The following FBXW8 variants were observed in gnomAD, a reference collection of about 807,000 sequenced individuals.
FBXW8 encodes the protein F-box and WD repeat domain containing 8.
A neutral mutation model predicts 65.3 loss-of-function variants in FBXW8; 57 were observed. The ratio of observed to expected loss-of-function variants is 0.87; its 90% CI spans 0.71 to 1.09. The LOEUF is 1.09. FBXW8 is among the 50% of genes least tolerant of loss of function. The probability of loss-of-function intolerance (pLI) is 0.00; values close to 1 mark genes in which losing one functional copy is unlikely to be tolerated. For missense variants in FBXW8, 777 were observed against 814.8 expected, an observed-to-expected ratio of 0.95 and a Z score of 0.57; for synonymous variants, 308 against 330.2, an observed-to-expected ratio of 0.93 and a Z score of 0.73.
chr12:116,959,297 T>C (rs1883842454), intron 4 of FBXW8, among the ~76,000 whole-genome samples: 10 of 152,204 alleles, frequency 6.6e-5, no homozygotes, highest in Admixed American at 3.9e-4. Context: ...AAATTCCTTA[T>C]ATTGCACTTA....
intron 7 of FBXW8, among the ~76,000 whole-genome samples, chr12:117,006,771 C>T (rs1953687072): frequency 6.6e-6 from 1 of 152,216 alleles, no homozygotes; most frequent in Admixed American, 6.5e-5. Context: ...CGTCCCTGCA[C>T]GTTCATTCCA....
At position 117,010,391 on chromosome 12, in the gene FBXW8, G is replaced by A. The variant is rs146667375; in HGVS notation, c.1308G>A (p.Thr436=). ...TGGGTAACGTTCTCCGTGACTTCAC[G>A]TGTGTCAACCTCAGCGACAGCCCTC... ...LKLGNVLRDF[T]CVNLSDSPPN... is the part of the protein sequence containing the mutation. Residue 436 remains threonine, a synonymous_variant, in exon 8 of 11, where the codon ACG becomes ACA. Transcript: ENST00000652555. The A allele has an allele frequency of 2.6e-4, 415 of 1,600,912 alleles. 2 individuals are homozygous for A. The highest frequency in any genetic ancestry group is 1.2e-3 in the Middle Eastern group (7 of 6,062).
At chr12:117,017,967 TAG>T (rs973956733) in intron 8 of FBXW8, among the ~76,000 whole-genome samples, 4 of 152,162 alleles carry the variant, frequency 2.6e-5, no homozygotes, top group Admixed American at 2.6e-4. Flanking sequence ...TGCCTGCTGT[TAG>T]AGAGAGAGTG....
At chr12:116,959,695 T>C (rs1883864120) in intron 4 of FBXW8, among the ~76,000 whole-genome samples, 1 of 152,204 alleles carries the variant, frequency 6.6e-6, no homozygotes, top group Non-Finnish European at 1.5e-5. Context: ...AACTTACTAG[T>C]TAATGAAAGC....
At chr12:116,960,662 A>T (rs907334825) in intron 4 of FBXW8, among the ~76,000 whole-genome samples, 4 of 152,120 alleles carry the variant, frequency 2.6e-5, no homozygotes, top group Non-Finnish European at 5.9e-5. Context: ...GGGCAGTGGA[A>T]ATAAAGAGGT....
At chr12:116,934,891 G>GAAT (rs1347708575) in intron 2 of FBXW8, among the ~76,000 whole-genome samples, 2 of 152,164 alleles carry the variant, frequency 1.3e-5, no homozygotes, top group Non-Finnish European at 2.9e-5. Context: ...TTCATCACGA[G>GAAT]AATCTCTTGT....
intron 5 of FBXW8, among the ~76,000 whole-genome samples, chr12:116,972,651 A>T (rs1472618942): frequency 6.6e-6 from 1 of 152,166 alleles, no homozygotes; most frequent in Non-Finnish European, 1.5e-5. Flanking sequence ...GTTGAGGCTC[A>T]TGGGAGCCAG....
At chr12:117,003,557 C>T (rs1366398519) in intron 7 of FBXW8, among the ~76,000 whole-genome samples, 1 of 152,200 alleles carries the variant, frequency 6.6e-6, no homozygotes, top group Non-Finnish European at 1.5e-5. Flanking sequence ...TCTTCCAGCA[C>T]CTCAGACCTT....
intron 7 of FBXW8, among the ~76,000 whole-genome samples, chr12:117,000,470 A>G (rs1029138950): frequency 2.6e-5 from 4 of 152,244 alleles, no homozygotes; most frequent in Admixed American, 2.6e-4. Context: ...CAGAATCTAC[A>G]GGAGACCTGA....
At chr12:116,960,930 T>C (rs1883949154) in intron 4 of FBXW8, among the ~76,000 whole-genome samples, 1 of 152,142 alleles carries the variant, frequency 6.6e-6, no homozygotes, top group Non-Finnish European at 1.5e-5. Context: ...GTGTTAGACC[T>C]TGAGGGGTTG....
chr12:116,948,623 C>G (rs1295221257), intron 3 of FBXW8: 1 of 152,218 alleles, frequency 6.6e-6, no homozygotes, highest in East Asian at 1.9e-4. Flanking sequence ...TTGTCCCAGT[C>G]TGGTAAAGTT....
chr12:116,983,672 T>C (rs1411784032), intron 5 of FBXW8, among the ~76,000 whole-genome samples: 1 of 152,200 alleles, frequency 6.6e-6, no homozygotes, highest in Non-Finnish European at 1.5e-5. Context: ...GCAAAAAGCT[T>C]GGTCTGTTCT....
At chr12:116,983,083 G>A (rs1205892692) in intron 5 of FBXW8, among the ~76,000 whole-genome samples, 1 of 152,186 alleles carries the variant, frequency 6.6e-6, no homozygotes, top group Non-Finnish European at 1.5e-5. Context: ...CCCAGTGAGA[G>A]GAGACACACG....
At chr12:116,923,141 G>C (rs1260594822) in intron 1 of FBXW8, among the ~76,000 whole-genome samples, 1 of 152,196 alleles carries the variant, frequency 6.6e-6, no homozygotes, top group Non-Finnish European at 1.5e-5. Flanking sequence ...GGGAGGCAGA[G>C]GTTTCATTGA....
intron 9 of FBXW8, 33 bp from the exon 10 acceptor site, chr12:117,027,361 C>T (rs780721456): frequency 1.9e-6 from 3 of 1,566,220 alleles, no homozygotes; most frequent in Non-Finnish European, 2.6e-6. Flanking sequence ...CCAGTGGACG[C>T]CCCCTTACGA....
Position 116,937,166 on chromosome 12 carries a change from C to A in FBXW8, c.424-8198C>A, listed in dbSNP as rs190664150. Among the ~76,000 whole-genome samples the A allele has an allele frequency of 2.3e-3, 354 of 152,174 alleles. 3 individuals are homozygous for A. Among genetic ancestry groups the A allele is most frequent in the African/African-American group, 8.1e-3 (337 of 41,500 alleles). On this transcript the variant is annotated intron_variant, in intron 2 of 10. Transcript: ENST00000652555. ...CCTTGAGCAACTGGAGGAATGAGTT[C>A]ACTGTTTACCGACAAGTAGCAGACC...
At chr12:117,010,854 C>T (rs764190691) in intron 8 of FBXW8, among the ~76,000 whole-genome samples, 3 of 152,196 alleles carry the variant, frequency 2.0e-5, no homozygotes, top group Non-Finnish European at 4.4e-5. Flanking sequence ...CAAACGATGT[C>T]AAGAGTGTAT....
chr12:117,009,021 C>T lies in FBXW8; in HGVS notation c.1240-1302C>T, dbSNP rs539969320. Among the ~76,000 whole-genome samples the T allele has an allele frequency of 6.6e-5, 10 of 152,186 alleles. No individual in the cohort carries two copies. In the South Asian group the frequency reaches 2.1e-3, roughly 32 times the overall value. ...GGCGGAGCTTGCAGTGAGCCAAGAT[C>T]GCGGCCACTGCACTCCAGCCTGGGC... On this transcript the variant is annotated intron_variant, in intron 7 of 10. Transcript: ENST00000652555.
chr12:116,925,321 A>C (rs899294476), intron 1 of FBXW8, among the ~76,000 whole-genome samples: 1 of 152,194 alleles, frequency 6.6e-6, no homozygotes, highest in Non-Finnish European at 1.5e-5. Context: ...CTGTGAGTCA[A>C]CAGCAGGCAG....
Sources: allele counts gnomAD v4.1 joint callset (sites outside exome capture counted in the v4.1 genomes callset), GRCh38; gene constraint gnomAD v4.1.1; transcripts MANE v1.5; gene names NCBI Gene and HGNC (gene_info 2026-07-23, HGNC 2026-07-21).